INTS9: variants seen among roughly 807,000 people sequenced by gnomAD.
INTS9 encodes the protein integrator complex subunit 9, also known as protein related to CPSF subunits of 74 kDa.
A neutral mutation model predicts 79.7 loss-of-function variants in INTS9; 55 were observed. The ratio of observed to expected loss-of-function variants is 0.69; its 90% CI spans 0.56 to 0.86. The LOEUF (loss-of-function observed/expected upper bound fraction) is 0.86, where lower values mean the gene tolerates loss of function less well. Among genes scored for constraint, INTS9 ranks in the 40% least tolerant of loss-of-function variants. The probability of loss-of-function intolerance (pLI) is 0.00; values close to 1 mark genes in which losing one functional copy is unlikely to be tolerated. For missense variants in INTS9, 721 were observed against 831.5 expected, an observed-to-expected ratio of 0.87 and a Z score of 1.64; for synonymous variants, 319 against 325.2, an observed-to-expected ratio of 0.98 and a Z score of 0.20.
At position 28,793,676 on chromosome 8, in the gene INTS9, C is replaced by T. The variant is rs370665708; in HGVS notation, c.1037+131G>A. On this transcript the variant is annotated intron_variant, in intron 10 of 16. Transcript: ENST00000521022. ...TTGGCTTTTAATAATGCAATCTTAT[C>T]ACAGACAGAAAAACAACAAAATGAA... 159 of 896,576 alleles carry T rather than the reference C, an allele frequency of 1.8e-4. No homozygotes were observed. The African/African-American group carries it at 2.3e-3, about 13-fold the overall frequency. The allele number at this position is 896,576 out of a possible 1,614,324, so 55.5% of individuals were successfully genotyped here.
At chr8:28,831,550 T>C (rs910492904) in intron 6 of INTS9, among the ~76,000 whole-genome samples, 2 of 152,226 alleles carry the variant, frequency 1.3e-5, no homozygotes, top group Non-Finnish European at 2.9e-5. Flanking sequence ...GCCTCATTCA[T>C]ACTCTCCGTA....
intron 5 of INTS9, 68 bp from the exon 6 acceptor site, chr8:28,835,446 G>C: frequency 8.7e-7 from 1 of 1,145,712 alleles, no homozygotes; most frequent in Non-Finnish European, 1.3e-6. Context: ...TACTCTAACA[G>C]TTGGCCAGGA....
intron 6 of INTS9, among the ~76,000 whole-genome samples, chr8:28,819,475 CT>C: frequency 6.6e-6 from 1 of 152,312 alleles, no homozygotes; most frequent in East Asian, 1.9e-4. Context: ...GAGTGAGTTT[CT>C]TAATCCTGAG....
chr8:28,787,370 C>T (rs1323490369), intron 11 of INTS9, among the ~76,000 whole-genome samples: 2 of 152,150 alleles, frequency 1.3e-5, no homozygotes, highest in African/African-American at 4.8e-5. Flanking sequence ...TAATATGTAT[C>T]GAAATACAAT....
At chr8:28,858,594 C>T (rs1036089487) in intron 2 of INTS9, among the ~76,000 whole-genome samples, 1 of 152,214 alleles carries the variant, frequency 6.6e-6, no homozygotes, top group African/African-American at 2.4e-5. Context: ...TTTATCCTTA[C>T]ACCACCTTAC....
intron 6 of INTS9, among the ~76,000 whole-genome samples, chr8:28,828,313 A>G (rs1196844090): frequency 6.6e-6 from 1 of 152,258 alleles, no homozygotes; most frequent in Non-Finnish European, 1.5e-5. Context: ...AGGCTGCAGA[A>G]GACAGATGTA....
At chr8:28,853,141 A>T (rs945110753) in intron 2 of INTS9, among the ~76,000 whole-genome samples, 6 of 152,338 alleles carry the variant, frequency 3.9e-5, no homozygotes. Context: ...ATGGCTGGGC[A>T]TGGTGGCCCA....
In INTS9 at chr8:28,775,871, T is replaced by C. The variant is rs1361142103; in HGVS notation, c.1451A>G (p.His484Arg). The change falls in exon 14 of 17, where the codon CAC becomes CGC. Residue 484 changes from histidine to arginine, a missense_variant. Physicochemically the swap from His to Arg is conservative, Grantham distance 29. Transcript: ENST00000521022. ...QYTQPPPAQS[H>R]RMDLMIDCQP... ...GCAGTCGATCATGAGGTCCATCCTGTGGGACTGGGCTGGGGGCGGCTGAGT... is the reference window on the plus strand; with the variant it reads ...GCAGTCGATCATGAGGTCCATCCTGCGGGACTGGGCTGGGGGCGGCTGAGT... The C allele has an allele frequency of 6.2e-7, 1 of 1,611,586 alleles. No homozygotes were observed. Among genetic ancestry groups the C allele is most frequent in the Non-Finnish European group, 8.5e-7 (1 of 1,178,790 alleles).
intron 12 of INTS9, 177 bp downstream of exon 12, chr8:28,780,646 G>T (rs959271517): frequency 3.0e-5 from 30 of 985,288 alleles, no homozygotes; most frequent in Non-Finnish European, 3.5e-5. Flanking sequence ...GCTGTCCAAT[G>T]GCACACACTG....
rs970901678 is a variant in INTS9 at position 28,850,897 on chromosome 8, T to G, written c.138-624A>C. Among the ~76,000 whole-genome samples, 3 of 152,348 alleles carry G rather than the reference T, an allele frequency of 2.0e-5. No homozygotes were observed. The South Asian group carries it at 6.2e-4, about 32-fold the overall frequency. ...TCTAAAGTGAACAGCTTCTAGCAGA[T>G]GAGGTCAATTTCATGTATATGTTAC... On this transcript the variant is annotated intron_variant, in intron 2 of 16. Coordinates refer to ENST00000521022, the MANE Select transcript of INTS9 (RefSeq NM_018250.4).
At chr8:28,855,697 T>A (rs935903994) in intron 2 of INTS9, among the ~76,000 whole-genome samples, 3 of 152,320 alleles carry the variant, frequency 2.0e-5, no homozygotes, top group Admixed American at 1.3e-4. Context: ...TTTTCTCTTT[T>A]GCTATAACGG....
chr8:28,768,788 G>A (rs117045932), intron 16 of INTS9, among the ~76,000 whole-genome samples: 44 of 152,332 alleles, frequency 2.9e-4, no homozygotes, highest in Middle Eastern at 3.4e-3. Flanking sequence ...GCTAAGGACA[G>A]AAATTCCTTA....
At chr8:28,812,287 A>C (rs757245939) in intron 8 of INTS9, 40 bp downstream of exon 8, 1 of 1,600,816 alleles carries the variant, frequency 6.2e-7, no homozygotes, top group Non-Finnish European at 8.5e-7. Flanking sequence ...TGACTTAAGT[A>C]ACCAAAAAGC....
At chr8:28,842,094 A>AG (rs1807219372) in intron 4 of INTS9, among the ~76,000 whole-genome samples, 1 of 152,214 alleles carries the variant, frequency 6.6e-6, no homozygotes, top group Admixed American at 6.5e-5. Context: ...TCTCAAAAAA[A>AG]ATCATAAGGA....
chr8:28,868,692 G>A (rs1808896831), intron 1 of INTS9, among the ~76,000 whole-genome samples: 1 of 152,108 alleles, frequency 6.6e-6, no homozygotes, highest in Admixed American at 6.5e-5. Flanking sequence ...ATTATTTTAA[G>A]CTTTCTTTTA....
rs540432414 is a variant in INTS9 at position 28,786,950 on chromosome 8, C to T, written c.1098+879G>A. ...GCCAGGATGGTCTCGATCTCCTGACCTTGTGATCCACCCGCCTTGGCCTCC... is the reference window on the plus strand; with the variant it reads ...GCCAGGATGGTCTCGATCTCCTGACTTTGTGATCCACCCGCCTTGGCCTCC... On this transcript the variant is annotated intron_variant, in intron 11 of 16. Transcript: ENST00000521022. 2.7e-4 allele frequency among the ~76,000 whole-genome samples: 41 copies of T among 152,210 alleles called. No individual in the cohort carries two copies. In the South Asian group the frequency reaches 5.4e-3, roughly 20 times the overall value.
At chr8:28,852,365 T>C (rs1487655947) in intron 2 of INTS9, among the ~76,000 whole-genome samples, 2 of 152,124 alleles carry the variant, frequency 1.3e-5, no homozygotes, top group African/African-American at 4.8e-5. Context: ...AGTTTTCTGC[T>C]GTAACTTTTC....
intron 6 of INTS9, among the ~76,000 whole-genome samples, chr8:28,824,236 G>A (rs1182351055): frequency 6.6e-6 from 1 of 152,160 alleles, no homozygotes; most frequent in Non-Finnish European, 1.5e-5. Context: ...TCCCAGAAGG[G>A]CCTCAACAAT....
intron 14 of INTS9, among the ~76,000 whole-genome samples, chr8:28,772,494 C>T (rs916678028): frequency 2.0e-5 from 3 of 152,104 alleles, no homozygotes; most frequent in Admixed American, 6.5e-5. Context: ...GCCTGGGCAA[C>T]ACGGCAAGAC....
Sources: gnomAD v4.1 joint callset for allele counts (sites outside exome capture counted in the v4.1 genomes callset) on GRCh38, gnomAD v4.1.1 for gene constraint, MANE v1.5 for transcripts, NCBI Gene and HGNC (gene_info 2026-07-23, HGNC 2026-07-21) for gene names.